Variants in ETV6 observed in about 807,000 individuals in gnomAD.
ETV6 encodes the protein transcription factor ETV6.
In ETV6, 16 loss-of-function variants were observed where a neutral mutation model predicts 51.1. The observed-to-expected ratio is 0.31, with a 90% CI of 0.21 to 0.48. The LOEUF (loss-of-function observed/expected upper bound fraction) is 0.48, where lower values mean the gene tolerates loss of function less well. Ranked by LOEUF, ETV6 falls within the 20% of genes least tolerant of loss-of-function variation. The pLI is 0.99. For synonymous variants in ETV6, 240 were observed against 224.1 expected (o/e 1.07, Z -0.64); for missense variants, 458 against 594.8 (o/e 0.77, Z 2.39).
rs555676296 is a variant in ETV6 at position 11,705,802 on chromosome 12, A to G, written c.34-46648A>G. On this transcript the variant is annotated intron_variant, in intron 1 of 7. Coordinates refer to ENST00000396373, the MANE Select transcript of ETV6 (RefSeq NM_001987.5). ...CCCTAAGCCCCTGTCTGCCCACTCA[A>G]ACCCTCTGGCCACCACTGTACTCTC... 3.5e-4 allele frequency among the ~76,000 whole-genome samples: 53 copies of G among 152,320 alleles called. No individual in the cohort carries two copies. The South Asian group carries it at 0.011, about 31-fold the overall frequency.
chr12:11,712,611 T>C (rs555343547), intron 1 of ETV6, among the ~76,000 whole-genome samples: 1 of 152,068 alleles, frequency 6.6e-6, no homozygotes, highest in Admixed American at 6.5e-5. Context: ...CTGGGAAGAG[T>C]TGATGTTGCA....
chr12:11,864,470 A>C (rs1378828798), intron 4 of ETV6, among the ~76,000 whole-genome samples: 1 of 149,462 alleles, frequency 6.7e-6, no homozygotes, highest in African/African-American at 2.6e-5. Flanking sequence ...CATTTAGAAG[A>C]AAATATAGGA....
intron 1 of ETV6, among the ~76,000 whole-genome samples, chr12:11,729,429 C>T (rs2120969680): frequency 6.6e-6 from 1 of 152,214 alleles, no homozygotes; most frequent in Middle Eastern, 3.4e-3. Context: ...GTGGGGGGGA[C>T]TGGGCTGCTG....
intron 2 of ETV6, among the ~76,000 whole-genome samples, chr12:11,808,073 A>G (rs1004437563): frequency 2.0e-5 from 3 of 152,240 alleles, no homozygotes; most frequent in Admixed American, 6.5e-5. Context: ...AAGAATACCT[A>G]CAAGGCATTC....
At chr12:11,819,544 G>T (rs1423203968) in intron 2 of ETV6, among the ~76,000 whole-genome samples, 1 of 152,156 alleles carries the variant, frequency 6.6e-6, no homozygotes, top group African/African-American at 2.4e-5. Context: ...TCTTTACCTA[G>T]ATGTTGTACA....
At chr12:11,791,909 G>T (rs1369304390) in intron 2 of ETV6, among the ~76,000 whole-genome samples, 1 of 152,108 alleles carries the variant, frequency 6.6e-6, no homozygotes, top group Non-Finnish European at 1.5e-5. Flanking sequence ...AATCTTCAGG[G>T]TGGGTGCAGT....
In ETV6 at chr12:11,891,848, C is replaced by G. The variant is rs989325008; in HGVS notation, c.*802C>G. On this transcript the variant is annotated 3_prime_UTR_variant, in exon 8 of 8. Coordinates refer to ENST00000396373, the MANE Select transcript of ETV6 (RefSeq NM_001987.5). ...AACCCGCATCCCAGCATTGGGCCACCCATCTGAGGGAGGCCAAAATCATCA... is the reference window on the plus strand; with the variant it reads ...AACCCGCATCCCAGCATTGGGCCACGCATCTGAGGGAGGCCAAAATCATCA... 26 of 319,252 alleles carry G rather than the reference C, an allele frequency of 8.1e-5. No homozygotes were observed. The highest frequency in any genetic ancestry group is 6.1e-6 in the Non-Finnish European group (1 of 165,236). The allele number at this position is 319,252 out of a possible 1,614,324, so 19.8% of individuals were successfully genotyped here.
intron 2 of ETV6, among the ~76,000 whole-genome samples, chr12:11,763,410 G>T (rs974217932): frequency 2.6e-5 from 4 of 152,128 alleles, no homozygotes; most frequent in South Asian, 2.1e-4. Context: ...CCTGAGAGAG[G>T]TTTTCTTCAC....
At chr12:11,852,520 T>C (rs1316718708) in intron 3 of ETV6, among the ~76,000 whole-genome samples, 84 of 152,248 alleles carry the variant, frequency 5.5e-4, no homozygotes, top group Non-Finnish European at 1.2e-4. Context: ...CATATTTTTC[T>C]CTGTAGGGAA....
At chr12:11,756,818 C>G (rs567013525) in intron 2 of ETV6, among the ~76,000 whole-genome samples, 1 of 152,218 alleles carries the variant, frequency 6.6e-6, no homozygotes, top group Non-Finnish European at 1.5e-5. Context: ...GGGCCTCAGA[C>G]AGTGATGCTC....
intron 2 of ETV6, among the ~76,000 whole-genome samples, chr12:11,760,922 A>T (rs535527411): frequency 8.4e-6 from 1 of 119,378 alleles, no homozygotes; most frequent in Non-Finnish European, 2.0e-5. Context: ...ATAAAAGTAT[A>T]TGTGTGTGTG....
intron 1 of ETV6, among the ~76,000 whole-genome samples, chr12:11,657,649 G>A (rs530795043): frequency 2.0e-5 from 3 of 152,298 alleles, no homozygotes; most frequent in African/African-American, 7.2e-5. Context: ...GGCCTCCCTG[G>A]GGGTATTTTC....
chr12:11,752,105 A>G (rs1477826067), intron 1 of ETV6, among the ~76,000 whole-genome samples: 1 of 152,228 alleles, frequency 6.6e-6, no homozygotes, highest in African/African-American at 2.4e-5. Context: ...GTCATTTTTT[A>G]AAAAGTTGTC....
chr12:11,737,104 C>T (rs1325646795), intron 1 of ETV6, among the ~76,000 whole-genome samples: 1 of 152,092 alleles, frequency 6.6e-6, no homozygotes, highest in Non-Finnish European at 1.5e-5. Flanking sequence ...GGCCCACAGT[C>T]GTGGAAATCA....
intron 2 of ETV6, among the ~76,000 whole-genome samples, chr12:11,789,320 C>T (rs1245394416): frequency 6.6e-6 from 1 of 152,158 alleles, no homozygotes; most frequent in Non-Finnish European, 1.5e-5. Context: ...GGGTGAGCCA[C>T]GATCGTATTT....
chr12:11,872,026 T>C (rs1017282341), intron 5 of ETV6, among the ~76,000 whole-genome samples: 2 of 152,260 alleles, frequency 1.3e-5, no homozygotes, highest in Admixed American at 1.3e-4. Flanking sequence ...CCTTCTTGTC[T>C]GTATACCCTC....
intron 2 of ETV6, among the ~76,000 whole-genome samples, chr12:11,829,320 C>T (rs772251317): frequency 8.5e-5 from 13 of 152,194 alleles, no homozygotes; most frequent in Middle Eastern, 3.2e-3. Context: ...TGCAACATCT[C>T]TATAGGGATC....
At chr12:11,721,806 G>A (rs1367374634) in intron 1 of ETV6, among the ~76,000 whole-genome samples, 1 of 152,232 alleles carries the variant, frequency 6.6e-6, no homozygotes, top group African/African-American at 2.4e-5. Flanking sequence ...GATGCCTAAT[G>A]AACATTAGTT....
At chr12:11,727,846 G>A (rs1865519207) in intron 1 of ETV6, among the ~76,000 whole-genome samples, 1 of 152,010 alleles carries the variant, frequency 6.6e-6, no homozygotes, top group Non-Finnish European at 1.5e-5. Flanking sequence ...TTGAGACGGA[G>A]TCTCTCTTTG....
Sources: gnomAD v4.1 joint callset for allele counts (sites outside exome capture counted in the v4.1 genomes callset) on GRCh38, gnomAD v4.1.1 for gene constraint, MANE v1.5 for transcripts, NCBI Gene and HGNC (gene_info 2026-07-23, HGNC 2026-07-21) for gene names.